RSPH6A: variants seen among roughly 807,000 people sequenced by gnomAD.
RSPH6A encodes the protein radial spoke head 6 homolog A.
RSPH6A carries 49 observed loss-of-function variants against 66.1 expected under a neutral mutation model. That is an observed-to-expected ratio of 0.74 (90% confidence interval 0.59 to 0.94). The LOEUF (loss-of-function observed/expected upper bound fraction) is 0.94. Ranked by LOEUF, RSPH6A falls within the 40% of genes least tolerant of loss-of-function variation. RSPH6A has a pLI of 0.00. For missense variants in RSPH6A, 977 were observed against 948.3 expected, an observed-to-expected ratio of 1.03 and a Z score of -0.40; for synonymous variants, 419 against 402.4, an observed-to-expected ratio of 1.04 and a Z score of -0.49.
At position 45,795,853 on chromosome 19, in the gene RSPH6A, G is replaced by A. The variant is rs908034631; in HGVS notation, c.*16C>T. On this transcript the variant is annotated 3_prime_UTR_variant, in exon 6 of 6. Transcript: ENST00000221538. ...TGCTATCTACCTGCTTGGGGAAAGT[G>A]GCTAGAGGGTGGGCCTCAGTCATCT... 3 of 1,566,268 alleles carry A rather than the reference G, an allele frequency of 1.9e-6. No homozygotes were observed. Among genetic ancestry groups the A allele is most frequent in the Non-Finnish European group, 2.6e-6 (3 of 1,158,234 alleles).
At position 45,814,604 on chromosome 19, in the gene RSPH6A, C is replaced by G; in HGVS notation, c.573G>C (p.Glu191Asp). Residue 191 changes from glutamate to aspartate, a missense_variant, in exon 1 of 6, where the codon GAG (glutamate) becomes GAC (aspartate). Transcript: ENST00000221538. The part of the protein sequence containing the change: ...GFPHYSAQVP[E>D]PEPLELAVQN... ...GCACGGCCAGCTCCAGAGGCTCGGG[C>G]TCAGGCACCTGGGCACTGTAGTGTG... The G allele has an allele frequency of 1.3e-6, 2 of 1,573,046 alleles. No individual in the cohort carries two copies. The highest frequency in any genetic ancestry group is 1.7e-6 in the Non-Finnish European group (2 of 1,161,354).
rs772831381 is a variant in RSPH6A at position 45,810,837 on chromosome 19, G to C, written c.654C>G (p.Tyr218Ter). 4 of 1,606,338 alleles carry C rather than the reference G, an allele frequency of 2.5e-6. No homozygotes were observed. Among genetic ancestry groups the C allele is most frequent in the South Asian group, 1.1e-5 (1 of 90,794 alleles). Residue 218 changes from tyrosine (Y) to a stop codon, truncating the protein, a stop_gained, in exon 2 of 6, where the codon TAC becomes TAG. Coordinates refer to ENST00000221538, the MANE Select transcript of RSPH6A (RefSeq NM_030785.4). LOFTEE classifies it high-confidence loss of function. The stretch of plus-strand genomic sequence containing the variant: ...TGGTCAGCAGATTCACCAGGTGCTC[G>C]TACCTGCCTCCCGCAGGAGGAGTGG... Reference protein sequence around the residue: ...QTSINCDLSLYEHLVNLLTKI... With the variant: ...QTSINCDLSL
chr19:45,813,861 AT>A (rs2146291245), intron 1 of RSPH6A, among the ~76,000 whole-genome samples: 1 of 152,092 alleles, frequency 6.6e-6, no homozygotes, highest in East Asian at 1.9e-4. Context: ...TAGTTGCAGG[AT>A]AAGAGGGTCT....
chr19:45,802,390 A>G, intron 3 of RSPH6A, 126 bp from the exon 4 acceptor site: 1 of 779,526 alleles, frequency 1.3e-6, no homozygotes, highest in Non-Finnish European at 1.8e-6. Flanking sequence ...GCAAGAGGGC[A>G]AGATTTAGCC....
intron 5 of RSPH6A, among the ~76,000 whole-genome samples, chr19:45,797,892 G>A (rs562577002): frequency 6.6e-6 from 1 of 151,990 alleles, no homozygotes; most frequent in Non-Finnish European, 1.5e-5. Context: ...AAATCCCTGG[G>A]TTGTGCCTAC....
chr19:45,810,181 T>G (rs1970604291), intron 2 of RSPH6A, among the ~76,000 whole-genome samples: 2 of 152,032 alleles, frequency 1.3e-5, no homozygotes, highest in South Asian at 4.1e-4. Flanking sequence ...TATTTATTTA[T>G]TTTTTTGAGA....
intron 2 of RSPH6A, among the ~76,000 whole-genome samples, chr19:45,809,958 G>A (rs1030718953): frequency 9.9e-5 from 15 of 152,148 alleles, no homozygotes; most frequent in African/African-American, 3.6e-4. Flanking sequence ...TTTCCTAGAA[G>A]CATGTACAGG....
At chr19:45,814,043 C>G (rs1004431594) in intron 1 of RSPH6A, among the ~76,000 whole-genome samples, 28 of 152,144 alleles carry the variant, frequency 1.8e-4, no homozygotes, top group Admixed American at 1.3e-3. Context: ...CCTGTAACCC[C>G]AACTACTCGG....
intron 4 of RSPH6A, 107 bp from the exon 5 acceptor site, chr19:45,800,670 C>A (rs891513142): frequency 2.3e-6 from 2 of 882,726 alleles, no homozygotes; most frequent in Non-Finnish European, 3.4e-6. Context: ...CCTGGAGGGG[C>A]ATGAGGGGAA....
intron 4 of RSPH6A, 127 bp downstream of exon 4, chr19:45,801,993 T>A: frequency 1.0e-6 from 1 of 960,316 alleles, no homozygotes; most frequent in Non-Finnish European, 1.4e-6. Flanking sequence ...ACCCATTTTT[T>A]AGCTGAGAGA....
chr19:45,799,543 T>C (rs551441700), intron 5 of RSPH6A, among the ~76,000 whole-genome samples: 1 of 151,820 alleles, frequency 6.6e-6, no homozygotes, highest in South Asian at 2.1e-4. Flanking sequence ...TAAAAATTTT[T>C]TTAATTTTTT....
At chr19:45,812,819 C>A (rs930042699) in intron 1 of RSPH6A, among the ~76,000 whole-genome samples, 1 of 152,070 alleles carries the variant, frequency 6.6e-6, no homozygotes, top group African/African-American at 2.4e-5. Flanking sequence ...CTCAGCCTCC[C>A]GAGTAGCTGA....
chr19:45,798,868 C>T (rs1260662288), intron 5 of RSPH6A, among the ~76,000 whole-genome samples: 2 of 144,926 alleles, frequency 1.4e-5, no homozygotes, highest in Non-Finnish European at 3.0e-5. Context: ...AAAAGAAAAA[C>T]AAAAACAATG....
chr19:45,795,861 G>C lies in RSPH6A; in HGVS notation c.*8C>G. 6.3e-7 allele frequency: 1 copy of C among 1,599,074 alleles called. No individual in the cohort carries two copies. Among genetic ancestry groups the C allele is most frequent in the Non-Finnish European group, 8.5e-7 (1 of 1,172,540 alleles). On this transcript the variant is annotated 3_prime_UTR_variant, in exon 6 of 6. Coordinates refer to ENST00000221538, the MANE Select transcript of RSPH6A (RefSeq NM_030785.4). ...ACCTGCTTGGGGAAAGTGGCTAGAG[G>C]GTGGGCCTCAGTCATCTGTCTCCTC...
Position 45,813,912 on chromosome 19 carries a change from G to A in RSPH6A, c.650+615C>T, listed in dbSNP as rs911708475. Among the ~76,000 whole-genome samples the A allele has an allele frequency of 2.6e-5, 4 of 152,096 alleles. No homozygotes were observed. The East Asian group carries it at 7.7e-4, about 29-fold the overall frequency. On this transcript the variant is annotated intron_variant, in intron 1 of 5. Transcript: ENST00000221538. ...ACGGTGGTTCATGCCTGCAATCCTA[G>A]CACTTTGGGAGGCTGAGATGGGCGG...
chr19:45,808,390 G>T (rs1449933484), intron 2 of RSPH6A, among the ~76,000 whole-genome samples: 1 of 151,992 alleles, frequency 6.6e-6, no homozygotes, highest in East Asian at 1.9e-4. Flanking sequence ...TCGTGCCACT[G>T]CACTCCAGCC....
chr19:45,802,073 C>T (rs1970480392), intron 4 of RSPH6A, 47 bp downstream of exon 4: 1 of 1,350,862 alleles, frequency 7.4e-7, no homozygotes, highest in East Asian at 2.8e-5. Context: ...CCCTTTCTTC[C>T]CAGCCCTCCC....
At chr19:45,813,922 A>T (rs913879682) in intron 1 of RSPH6A, among the ~76,000 whole-genome samples, 2 of 152,014 alleles carry the variant, frequency 1.3e-5, no homozygotes, top group Non-Finnish European at 2.9e-5. Context: ...GCACTTTGGG[A>T]GGCTGAGATG....
In RSPH6A at chr19:45,804,701, T is replaced by G; in HGVS notation, c.1204A>C (p.Ile402Leu). 6.2e-7 allele frequency: 1 copy of G among 1,613,472 alleles called. No homozygotes were observed. The highest frequency in any genetic ancestry group is 8.5e-7 in the Non-Finnish European group (1 of 1,179,952). ...GEEDEEKAVD[I>L]VPKSVWKPPP... is the part of the protein sequence containing the mutation. ...GGCTTCCATACGGACTTAGGGACGA[T>G]GTCCACGGCCTTCTCCTCGTCCTCC... The change falls in exon 3 of 6, where the codon ATC (isoleucine) becomes CTC (leucine). Residue 402 changes from isoleucine (I) to leucine (L), a missense_variant. Ile to Leu is a conservative substitution (Grantham distance 5). Transcript: ENST00000221538. The surrounding 1 kb of genome is among the most constrained non-coding windows in gnomAD (Gnocchi z 5.8).
Sources: allele counts gnomAD v4.1 joint callset (sites outside exome capture counted in the v4.1 genomes callset), GRCh38; gene constraint gnomAD v4.1.1; non-coding constraint Gnocchi (gnomAD v3.1); transcripts MANE v1.5; gene names NCBI Gene and HGNC (gene_info 2026-07-23, HGNC 2026-07-21).